Variants in CCSER1 observed in about 807,000 individuals in gnomAD.
The protein encoded by CCSER1 is serine-rich coiled-coil domain-containing protein 1.
CCSER1 carries 41 observed loss-of-function variants against 82.0 expected under a neutral mutation model. The ratio of observed to expected loss-of-function variants is 0.50; its 90% CI spans 0.39 to 0.65. The LOEUF (loss-of-function observed/expected upper bound fraction) is 0.65, where lower values mean the gene tolerates loss of function less well. Among genes scored for constraint, CCSER1 ranks in the 30% least tolerant of loss-of-function variants. The pLI, the probability that CCSER1 is intolerant of heterozygous loss-of-function variation, is 0.00. For missense variants in CCSER1, 1,119 were observed against 1,064.2 expected (o/e 1.05, Z -0.72); for synonymous variants, 414 against 383.9 (o/e 1.08, Z -0.92).
intron 10 of CCSER1, among the ~76,000 whole-genome samples, chr4:91,473,009 G>A (rs1757369538): frequency 6.6e-6 from 1 of 151,930 alleles, no homozygotes; most frequent in Non-Finnish European, 1.5e-5. Context: ...TGTTATCCCT[G>A]GTTAAGTTGT....
At chr4:90,882,834 A>G (rs2150079642) in intron 8 of CCSER1, among the ~76,000 whole-genome samples, 1 of 152,204 alleles carries the variant, frequency 6.6e-6, no homozygotes, top group South Asian at 2.1e-4. Context: ...TCTCGGTCAA[A>G]TATTTGTAAA....
intron 10 of CCSER1, among the ~76,000 whole-genome samples, chr4:91,412,795 G>A (rs1220198959): frequency 6.6e-6 from 1 of 151,986 alleles, no homozygotes; most frequent in Non-Finnish European, 1.5e-5. Context: ...ACCTACACAA[G>A]GCTACACAGA....
chr4:90,664,273 C>A (rs1731327549), intron 6 of CCSER1, among the ~76,000 whole-genome samples: 1 of 152,130 alleles, frequency 6.6e-6, no homozygotes, highest in South Asian at 2.1e-4. Flanking sequence ...AGCTAGATGG[C>A]AAGCAATTCA....
At chr4:90,615,569 G>T (rs966690638) in intron 5 of CCSER1, among the ~76,000 whole-genome samples, 3 of 152,090 alleles carry the variant, frequency 2.0e-5, no homozygotes, top group Non-Finnish European at 4.4e-5. Context: ...CTTCAGATGT[G>T]GTGGAAACAC....
At chr4:90,534,565 G>A (rs1287358945) in intron 5 of CCSER1, among the ~76,000 whole-genome samples, 2 of 151,842 alleles carry the variant, frequency 1.3e-5, no homozygotes, top group East Asian at 3.9e-4. Flanking sequence ...AATTAAAGCA[G>A]ATATTGAAAG....
At chr4:91,275,362 T>A (rs1283788745) in intron 10 of CCSER1, among the ~76,000 whole-genome samples, 1 of 152,094 alleles carries the variant, frequency 6.6e-6, no homozygotes, top group Non-Finnish European at 1.5e-5. Context: ...TAATAGCTAC[T>A]CTAACTGGGT....
chr4:90,461,140 A>ACT (rs1762864370), intron 4 of CCSER1, among the ~76,000 whole-genome samples: 1 of 98,524 alleles, frequency 1.0e-5, no homozygotes, highest in Non-Finnish European at 1.8e-5. Flanking sequence ...ATCTCGGCTC[A>ACT]CTGCAAGCTC....
At chr4:91,534,811 G>A (rs533404533) in intron 10 of CCSER1, among the ~76,000 whole-genome samples, 14 of 151,840 alleles carry the variant, frequency 9.2e-5, no homozygotes, top group African/African-American at 3.1e-4. Context: ...TATAGTAAAA[G>A]TTCAAGAAAA....
intron 1 of CCSER1, among the ~76,000 whole-genome samples, chr4:90,164,576 A>G (rs1264443732): frequency 6.6e-6 from 1 of 152,082 alleles, no homozygotes; most frequent in Non-Finnish European, 1.5e-5. Flanking sequence ...AATATTTTTA[A>G]AGGTGGATTA....
chr4:90,487,964 A>G (rs1450900665), intron 5 of CCSER1, among the ~76,000 whole-genome samples: 3 of 152,094 alleles, frequency 2.0e-5, no homozygotes, highest in African/African-American at 7.2e-5. Context: ...AATGAGTTGC[A>G]GTGGAGAAGT....
At chr4:90,483,166 T>C (rs1766363739) in intron 5 of CCSER1, among the ~76,000 whole-genome samples, 2 of 152,214 alleles carry the variant, frequency 1.3e-5, no homozygotes, top group Admixed American at 6.5e-5. Context: ...TGGTTTAAAG[T>C]CTGTTTTATC....
At chr4:90,241,819 G>T (rs1287771126) in intron 1 of CCSER1, among the ~76,000 whole-genome samples, 1 of 152,134 alleles carries the variant, frequency 6.6e-6, no homozygotes, top group Non-Finnish European at 1.5e-5. Context: ...TTGTAATATG[G>T]AAAATAGGTG....
intron 10 of CCSER1, among the ~76,000 whole-genome samples, chr4:91,289,502 A>G (rs190203787): frequency 6.6e-6 from 1 of 152,196 alleles, no homozygotes; most frequent in Admixed American, 6.6e-5. Flanking sequence ...CTAATTACTG[A>G]GTTAGAGCTG....
At chr4:90,616,736 CACAA>C (rs774730729) in intron 5 of CCSER1, among the ~76,000 whole-genome samples, 1 of 60,388 alleles carries the variant, frequency 1.7e-5, no homozygotes, top group Non-Finnish European at 3.2e-5. Context: ...CACACACACA[CACAA>C]ATAAAATAAA....
chr4:90,328,641 A>G (rs948057156), intron 3 of CCSER1, among the ~76,000 whole-genome samples: 1 of 152,208 alleles, frequency 6.6e-6, no homozygotes, highest in African/African-American at 2.4e-5. Flanking sequence ...TGCAAGCAGC[A>G]TGTATTAAAC....
chr4:91,341,873 T>A (rs745314007), intron 10 of CCSER1, among the ~76,000 whole-genome samples: 1 of 152,238 alleles, frequency 6.6e-6, no homozygotes, highest in Non-Finnish European at 1.5e-5. Flanking sequence ...GCATTTCTTT[T>A]ACTTGGAAAA....
At chr4:91,431,147 A>G (rs963978928) in intron 10 of CCSER1, among the ~76,000 whole-genome samples, 2 of 152,052 alleles carry the variant, frequency 1.3e-5, no homozygotes, top group Admixed American at 1.3e-4. Context: ...GAGGCAGGAG[A>G]ATGGCGTGAA....
At chr4:90,949,500 G>A (rs1225610956) in intron 9 of CCSER1, among the ~76,000 whole-genome samples, 1 of 151,972 alleles carries the variant, frequency 6.6e-6, no homozygotes, top group Admixed American at 6.6e-5. Context: ...AGTGAGTCAG[G>A]GGGCAACACC....
intron 6 of CCSER1, among the ~76,000 whole-genome samples, chr4:90,633,298 T>C (rs544662167): frequency 3.9e-5 from 6 of 152,198 alleles, no homozygotes; most frequent in African/African-American, 1.4e-4. Context: ...AGTAAGTATG[T>C]AGTAAATTTC....
Sources: gnomAD v4.1 joint callset for allele counts (sites outside exome capture counted in the v4.1 genomes callset) on GRCh38, gnomAD v4.1.1 for gene constraint, MANE v1.5 for transcripts, NCBI Gene and HGNC (gene_info 2026-07-23, HGNC 2026-07-21) for gene names.